Variants in ATP8B4 observed in about 807,000 individuals in gnomAD.
The protein encoded by ATP8B4 is probable phospholipid-transporting ATPase IM.
ATP8B4 carries 133 observed loss-of-function variants against 145.6 expected under a neutral mutation model. The ratio of observed to expected loss-of-function variants is 0.91; its 90% CI spans 0.79 to 1.05. The LOEUF is 1.05. Among genes scored for constraint, ATP8B4 ranks in the 50% least tolerant of loss-of-function variants. ATP8B4 has a pLI of 0.00. For missense variants in ATP8B4, 1,458 were observed against 1,425.2 expected, an observed-to-expected ratio of 1.02 and a Z score of -0.37; for synonymous variants, 507 against 492.9, an observed-to-expected ratio of 1.03 and a Z score of -0.38.
At chr15:50,088,571 A>G (rs915118202) in intron 2 of ATP8B4, among the ~76,000 whole-genome samples, 1 of 152,122 alleles carries the variant, frequency 6.6e-6, no homozygotes, top group African/African-American at 2.4e-5. Context: ...CTGCAATCAA[A>G]TATGTCTTCT....
intron 6 of ATP8B4, among the ~76,000 whole-genome samples, chr15:50,015,732 C>A (rs756596302): frequency 1.3e-5 from 2 of 152,186 alleles, no homozygotes; most frequent in African/African-American, 2.4e-5. Context: ...TACAGCTTGG[C>A]CCTAATCCCC....
At chr15:49,933,954 T>G (rs1193300167) in intron 15 of ATP8B4, 63 bp downstream of exon 15, 75 of 1,431,266 alleles carry the variant, frequency 5.2e-5, no homozygotes, top group Non-Finnish European at 6.3e-5. Context: ...TCAAATTTAG[T>G]GTCAGTTTCA....
intron 2 of ATP8B4, among the ~76,000 whole-genome samples, chr15:50,092,442 T>C (rs1450007784): frequency 3.3e-5 from 5 of 152,030 alleles, no homozygotes; most frequent in Non-Finnish European, 7.4e-5. Flanking sequence ...GATCCAGATA[T>C]TAGAACTATT....
Position 50,073,003 on chromosome 15 carries a change from TATATATATATATATATACACAC to T in ATP8B4, c.87+1102_87+1123del, listed in dbSNP as rs1304638705. On this transcript the variant is annotated intron_variant, in intron 3 of 27. Transcript: ENST00000284509. ...CTCTATATATATATATATATATATA[TATATATATATATATATACACAC>T]ACACACACACACACACACACACACA... Among the ~76,000 whole-genome samples, 43 of 59,892 alleles carry T rather than the reference TATATATATATATATATACACAC, an allele frequency of 7.2e-4. 2 individuals are homozygous for T. The highest frequency in any genetic ancestry group is 4.0e-3 in the Admixed American group (24 of 6,014). 39.3% of individuals were successfully genotyped at this position (59,892 alleles called of 152,430 possible).
intron 1 of ATP8B4, among the ~76,000 whole-genome samples, chr15:50,147,449 C>T (rs1299552344): frequency 1.3e-5 from 2 of 150,018 alleles, no homozygotes; most frequent in African/African-American, 4.9e-5. Flanking sequence ...AAAGTATATA[C>T]TTCCTATTTT....
intron 1 of ATP8B4, among the ~76,000 whole-genome samples, chr15:50,140,572 G>C (rs2044192674): frequency 6.6e-6 from 1 of 152,192 alleles, no homozygotes; most frequent in Non-Finnish European, 1.5e-5. Flanking sequence ...CTCAGTAAAT[G>C]TTATTTACCA....
At chr15:50,088,131 T>C (rs529509652) in intron 2 of ATP8B4, among the ~76,000 whole-genome samples, 33 of 152,110 alleles carry the variant, frequency 2.2e-4, no homozygotes, top group Non-Finnish European at 3.5e-4. Context: ...CTCACACCTG[T>C]AATCCCAGCA....
intron 21 of ATP8B4, among the ~76,000 whole-genome samples, chr15:49,900,510 T>C (rs1317223977): frequency 6.6e-6 from 1 of 152,348 alleles, no homozygotes; most frequent in South Asian, 2.1e-4. Flanking sequence ...TCATGTTTGT[T>C]CAAGATTCAG....
intron 6 of ATP8B4, among the ~76,000 whole-genome samples, chr15:50,033,961 T>C (rs2050637983): frequency 3.3e-5 from 5 of 152,160 alleles, no homozygotes; most frequent in Admixed American, 3.3e-4. Context: ...TCCAGTCCAT[T>C]ATTGATGGGC....
chr15:50,138,883 T>G (rs1167995012), intron 1 of ATP8B4, among the ~76,000 whole-genome samples: 1 of 152,228 alleles, frequency 6.6e-6, no homozygotes, highest in East Asian at 1.9e-4. Context: ...TGATAGGACT[T>G]AATTGCCGGT....
At chr15:50,171,787 A>G (rs1303770234) in intron 1 of ATP8B4, among the ~76,000 whole-genome samples, 1 of 152,174 alleles carries the variant, frequency 6.6e-6, no homozygotes, top group Non-Finnish European at 1.5e-5. Flanking sequence ...TGGTTCTTTG[A>G]AAAGATAAAT....
At chr15:50,062,480 C>T (rs2153624872) in intron 3 of ATP8B4, among the ~76,000 whole-genome samples, 1 of 152,192 alleles carries the variant, frequency 6.6e-6, no homozygotes, top group South Asian at 2.1e-4. Context: ...TTATAAATTA[C>T]CCAGTCTCAG....
At chr15:49,949,765 C>T (rs993132465) in intron 14 of ATP8B4, among the ~76,000 whole-genome samples, 3 of 152,012 alleles carry the variant, frequency 2.0e-5, no homozygotes, top group African/African-American at 4.8e-5. Flanking sequence ...ATGCTTCCAG[C>T]TTTTGCCCAT....
chr15:49,898,267 T>C lies in ATP8B4; in HGVS notation c.2290-16A>G. The C allele has an allele frequency of 6.2e-7, 1 of 1,603,622 alleles. No individual in the cohort carries two copies. The highest frequency in any genetic ancestry group is 8.5e-7 in the Non-Finnish European group (1 of 1,172,972). On this transcript the variant is annotated splice_polypyrimidine_tract_variant and intron_variant, in intron 21 of 27. Coordinates refer to ENST00000284509, the MANE Select transcript of ATP8B4 (RefSeq NM_024837.4). ...GGGCATGAGCCTGTATGATTAAAAATAAAATTCAAACAAGAACAGGAAACA... is the reference window on the plus strand; with the variant it reads ...GGGCATGAGCCTGTATGATTAAAAACAAAATTCAAACAAGAACAGGAAACA...
intron 18 of ATP8B4, among the ~76,000 whole-genome samples, chr15:49,919,283 G>A (rs1250909705): frequency 6.6e-6 from 1 of 152,162 alleles, no homozygotes; most frequent in African/African-American, 2.4e-5. Context: ...TATCAACAGT[G>A]GAGGAGTCCA....
chr15:49,942,351 T>C (rs1036660063), intron 14 of ATP8B4, among the ~76,000 whole-genome samples: 1 of 151,882 alleles, frequency 6.6e-6, no homozygotes, highest in Non-Finnish European at 1.5e-5. Flanking sequence ...CTCCTTAATT[T>C]AAAAAAGGAA....
chr15:50,043,915 T>TGCAGTCC (rs1324849052), intron 5 of ATP8B4, among the ~76,000 whole-genome samples: 1 of 145,576 alleles, frequency 6.9e-6, no homozygotes, highest in Non-Finnish European at 1.5e-5. Context: ...ATTGCGCCAC[T>TGCAGTCC]GCAGTCCGCA....
chr15:49,948,995 T>C (rs1158269401), intron 14 of ATP8B4, among the ~76,000 whole-genome samples: 1 of 152,192 alleles, frequency 6.6e-6, no homozygotes, highest in Non-Finnish European at 1.5e-5. Context: ...TGGTCTTATT[T>C]GTGAGGTGTC....
rs2047455337 is a variant in ATP8B4, at chr15:49,996,679, T to C, written c.587A>G (p.Asp196Gly). 4.4e-6 allele frequency: 7 copies of C among 1,601,764 alleles called. No individual in the cohort carries two copies. The highest frequency in any genetic ancestry group is 1.7e-4 in the Middle Eastern group (1 of 6,048). ...GTTTATCTGTTTAAAATACTTACCATCAAACCCTGCAAGTCTGCTGATATC... is the reference window on the plus strand; with the variant it reads ...GTTTATCTGTTTAAAATACTTACCACCAAACCCTGCAAGTCTGCTGATATC... ...GADISRLAGF[D>G]GIVVCEVPNN... Residue 196 changes from aspartate (D) to glycine (G), a missense_variant and splice_region_variant, in exon 9 of 28, where the codon GAT (aspartate) becomes GGT (glycine). By Grantham distance (94) the Asp-to-Gly change is moderately conservative (BLOSUM62 -1). Coordinates refer to ENST00000284509, the MANE Select transcript of ATP8B4 (RefSeq NM_024837.4).
Sources: allele counts gnomAD v4.1 joint callset (sites outside exome capture counted in the v4.1 genomes callset), GRCh38; gene constraint gnomAD v4.1.1; transcripts MANE v1.5; gene names NCBI Gene and HGNC (gene_info 2026-07-23, HGNC 2026-07-21).